The following CFI variants were observed in gnomAD, a reference collection of about 807,000 sequenced individuals.
The protein encoded by CFI is complement factor I.
A neutral mutation model predicts 78.8 loss-of-function variants in CFI; 66 were observed. The ratio of observed to expected loss-of-function variants is 0.84; its 90% CI spans 0.69 to 1.03. The LOEUF (loss-of-function observed/expected upper bound fraction) is 1.03. CFI is among the 50% of genes least tolerant of loss of function. CFI has a pLI of 0.00. For missense variants in CFI, 706 were observed against 704.5 expected, an observed-to-expected ratio of 1.00 and a Z score of -0.02; for synonymous variants, 250 against 232.6, an observed-to-expected ratio of 1.07 and a Z score of -0.68.
intron 1 of CFI, 59 bp from the exon 2 acceptor site, chr4:109,766,883 T>C: frequency 1.9e-6 from 3 of 1,571,414 alleles, no homozygotes; most frequent in Non-Finnish European, 2.6e-6. Flanking sequence ...TGTTTGAAGA[T>C]GAGTAAGTGA....
intron 1 of CFI, among the ~76,000 whole-genome samples, chr4:109,793,117 C>G (rs1731588354): frequency 1.3e-5 from 2 of 151,908 alleles, no homozygotes; most frequent in African/African-American, 4.8e-5. Flanking sequence ...TTATTTCCTT[C>G]TGTGTATATT....
intron 1 of CFI, among the ~76,000 whole-genome samples, chr4:109,800,321 G>GTTTTTTTT (rs554145445): frequency 2.1e-5 from 1 of 48,774 alleles, no homozygotes; most frequent in Non-Finnish European, 3.5e-5. Flanking sequence ...TGGCTTCTCT[G>GTTTTTTTT]TTTTTTTTTT....
rs17040811 is a variant in CFI, at chr4:109,760,101, G to A, written c.883+169C>T. The stretch of plus-strand genomic sequence containing the variant: ...CTGAAATAACAAGTAGATATTTAGC[G>A]GATGAAAATATGAGGAGATGAACAT... On this transcript the variant is annotated intron_variant, in intron 6 of 12. Coordinates refer to ENST00000394634, the MANE Select transcript of CFI (RefSeq NM_000204.5). 1,364 of 701,250 alleles carry A rather than the reference G, an allele frequency of 1.9e-3. 10 individuals carry two copies. The African/African-American group carries it at 0.02, about 10-fold the overall frequency. 43.4% of individuals were successfully genotyped at this position (701,250 alleles called of 1,614,324 possible). A position where few individuals can be genotyped will look rare whatever the true frequency, so the allele number is the denominator to read the frequency against.
At chr4:109,737,328 C>T (rs1216475125), downstream of CFI, among the ~76,000 whole-genome samples, 1 of 152,182 alleles carries the variant, frequency 6.6e-6, no homozygotes, top group Non-Finnish European at 1.5e-5. Context: ...TAGCTCCTCA[C>T]ACTGCAGGGC....
At chr4:109,749,405 C>T (rs1724866250) in intron 9 of CFI, 84 bp from the exon 10 acceptor site, 2 of 1,485,566 alleles carry the variant, frequency 1.3e-6, no homozygotes, top group African/African-American at 1.4e-5. Flanking sequence ...GCAAGACTCC[C>T]AGTCTCTTAT....
intron 3 of CFI, 135 bp from the exon 4 acceptor site, chr4:109,761,827 G>T (rs775826258): frequency 1.4e-6 from 1 of 723,686 alleles, no homozygotes; most frequent in South Asian, 1.6e-5. Context: ...GCAAGATACC[G>T]AAACTCTGAG....
At position 109,766,770 on chromosome 4, in the gene CFI, A is replaced by T. The variant is rs1727815985; in HGVS notation, c.112T>A (p.Tyr38Asn). Residue 38 changes from tyrosine (Y) to asparagine (N), a missense_variant, in exon 2 of 13, where the codon TAT becomes AAT. Transcript: ENST00000394634. ...ACTTTATCGCAGGAGAGGTGAGTAT[A>T]TTTTTTTGCTAAGCACTTTTTCTCC... ...LVEKKCLAKK[Y>N]THLSCDKVFC... 1.2e-6 allele frequency: 2 copies of T among 1,614,132 alleles called. No homozygotes were observed. Among genetic ancestry groups the T allele is most frequent in the African/African-American group, 2.7e-5 (2 of 75,024 alleles).
At chr4:109,774,372 C>G (rs1728957949) in intron 1 of CFI, among the ~76,000 whole-genome samples, 1 of 151,944 alleles carries the variant, frequency 6.6e-6, no homozygotes, top group African/African-American at 2.4e-5. Context: ...TTGGAGAAAA[C>G]CTTCCCTTGG....
chr4:109,780,046 A>G (rs932115041), intron 1 of CFI, among the ~76,000 whole-genome samples: 2 of 152,178 alleles, frequency 1.3e-5, no homozygotes, highest in African/African-American at 4.8e-5. Flanking sequence ...AAAACCCTAG[A>G]AGAAAACGCA....
intron 11 of CFI, among the ~76,000 whole-genome samples, chr4:109,743,948 G>T (rs886755590): frequency 2.0e-5 from 3 of 152,030 alleles, no homozygotes; most frequent in African/African-American, 7.3e-5. Context: ...TTGTGCCACT[G>T]CAGTTTAGCC....
chr4:109,739,221 A>G (rs978046409), downstream of CFI, among the ~76,000 whole-genome samples: 7 of 152,282 alleles, frequency 4.6e-5, no homozygotes, highest in South Asian at 1.5e-3. Flanking sequence ...TAAAATAATA[A>G]AGGGAATATT....
intron 1 of CFI, 99 bp from the exon 2 acceptor site, chr4:109,766,923 A>C: frequency 8.6e-7 from 1 of 1,156,354 alleles, no homozygotes; most frequent in Non-Finnish European, 1.3e-6. Context: ...TACAGCCCAC[A>C]GTACAGATGA....
At chr4:109,793,521 T>C (rs556109596) in intron 1 of CFI, 2 of 152,358 alleles carry the variant, frequency 1.3e-5, no homozygotes, top group African/African-American at 4.8e-5. Flanking sequence ...GCACTGTATT[T>C]CTTTATTTTA....
In CFI at chr4:109,764,632, T is replaced by C. The variant is rs552745150; in HGVS notation, c.387A>G (p.Val129=). 2 of 1,614,180 alleles carry C rather than the reference T, an allele frequency of 1.2e-6. No individual in the cohort carries two copies. The highest frequency in any genetic ancestry group is 2.2e-5 in the South Asian group (2 of 91,082). The change falls in exon 3 of 13, where the codon GTA becomes GTG. Residue 129 remains valine, a synonymous_variant. Coordinates refer to ENST00000394634, the MANE Select transcript of CFI (RefSeq NM_000204.5). The part of the protein sequence containing the change: ...GNTDSEGIVE[V]KLVDQDKTMF... ...TTGTCTTATCTTGGTCCACAAGTTT[T>C]ACTTCAACTATTCCCTCTGAATCTG... is the stretch of plus-strand genomic sequence containing the variant.
intron 1 of CFI, among the ~76,000 whole-genome samples, chr4:109,794,937 C>T (rs373982904): frequency 5.6e-4 from 86 of 152,236 alleles, no homozygotes; most frequent in African/African-American, 2.0e-3. Context: ...CACTTGTCTT[C>T]CCACAGAAAC....
intron 1 of CFI, 23 bp from the exon 2 acceptor site, chr4:109,766,847 T>G (rs1363169441): frequency 1.9e-6 from 3 of 1,612,942 alleles, no homozygotes; most frequent in Non-Finnish European, 2.5e-6. Flanking sequence ...AAATAAACAT[T>G]AACTTAGCAA....
At chr4:109,733,879 A>G in the CFI span, among the ~76,000 whole-genome samples, 1 of 152,218 alleles carries the variant, frequency 6.6e-6, no homozygotes, top group Non-Finnish European at 1.5e-5. Context: ...TTTTAAAGTC[A>G]TGGGGCTTAG....
intron 1 of CFI, among the ~76,000 whole-genome samples, chr4:109,769,753 G>A (rs1728324556): frequency 6.6e-6 from 1 of 152,160 alleles, no homozygotes; most frequent in Non-Finnish European, 1.5e-5. Context: ...TTGGCAGGGA[G>A]CCTCTTGGGC....
chr4:109,746,078 T>C, intron 11 of CFI, 144 bp downstream of exon 11: 1 of 991,176 alleles, frequency 1.0e-6, no homozygotes, highest in East Asian at 2.6e-5. Flanking sequence ...TGCAAACCCA[T>C]GAAGCCAGCC....
Sources: gnomAD v4.1 joint callset for allele counts (sites outside exome capture counted in the v4.1 genomes callset) on GRCh38, gnomAD v4.1.1 for gene constraint, MANE v1.5 for transcripts, NCBI Gene and HGNC (gene_info 2026-07-23, HGNC 2026-07-21) for gene names.